Variants in TBC1D10A observed in about 807,000 individuals in gnomAD.
TBC1D10A encodes EBP50-PDX interactor of 64 kDa.
TBC1D10A carries 24 observed loss-of-function variants against 52.9 expected under a neutral mutation model. The observed-to-expected ratio is 0.45, with a 90% confidence interval of 0.33 to 0.64. The LOEUF (loss-of-function observed/expected upper bound fraction) is 0.64, where lower values mean the gene tolerates loss of function less well. TBC1D10A is among the 30% of genes least tolerant of loss of function. TBC1D10A has a pLI of 0.02. For synonymous variants in TBC1D10A, 278 were observed against 282.9 expected (o/e 0.98, Z 0.17); for missense variants, 602 against 687.9 (o/e 0.88, Z 1.40).
At chr22:30,299,184 GA>G (rs1409130984) in intron 3 of TBC1D10A, 1 of 418,080 alleles carries the variant, frequency 2.4e-6, no homozygotes, top group Non-Finnish European at 4.4e-6. Flanking sequence ...GAAAGAGCTG[GA>G]ATAGGGGGTA....
intron 3 of TBC1D10A, chr22:30,298,555 G>C (rs969790427): frequency 6.6e-6 from 1 of 152,300 alleles, no homozygotes; most frequent in African/African-American, 2.4e-5. Context: ...AGAAGCATGA[G>C]ATATGTCAAC....
intron 2 of TBC1D10A, among the ~76,000 whole-genome samples, chr22:30,302,645 G>T (rs1930225051): frequency 6.6e-6 from 1 of 152,256 alleles, no homozygotes; most frequent in Non-Finnish European, 1.5e-5. Flanking sequence ...TTCTGGGCTG[G>T]AGAGAAGCAG....
intron 2 of TBC1D10A, chr22:30,300,451 GAAA>G (rs57276123): frequency 7.6e-5 from 10 of 131,112 alleles, no homozygotes; most frequent in Non-Finnish European, 8.0e-5. Context: ...TCTGTTTCAG[GAAA>G]AAAAAAAAAA....
intron 1 of TBC1D10A, among the ~76,000 whole-genome samples, chr22:30,310,717 C>A (rs1930407982): frequency 6.6e-6 from 1 of 152,212 alleles, no homozygotes; most frequent in African/African-American, 2.4e-5. Flanking sequence ...TAATTATCTC[C>A]ATTTAATAGA....
At chr22:30,296,150 C>T in intron 3 of TBC1D10A, 1 of 335,652 alleles carries the variant, frequency 3.0e-6, no homozygotes, top group Non-Finnish European at 5.5e-6. Context: ...ATTCGGGAGT[C>T]AGATACATTA....
At chr22:30,325,051 T>C (rs560608406) in intron 1 of TBC1D10A, among the ~76,000 whole-genome samples, 13 of 152,294 alleles carry the variant, frequency 8.5e-5, no homozygotes, top group African/African-American at 2.9e-4. Context: ...TGGGTCCTAA[T>C]CCCAGGTGAC....
chr22:30,315,732 C>T (rs1601679200), intron 1 of TBC1D10A, among the ~76,000 whole-genome samples: 1 of 152,216 alleles, frequency 6.6e-6, no homozygotes, highest in Admixed American at 6.5e-5. Flanking sequence ...GGGTCACTCA[C>T]GACCCAGCTA....
intron 1 of TBC1D10A, among the ~76,000 whole-genome samples, chr22:30,310,539 T>C (rs1194687114): frequency 1.3e-5 from 2 of 152,178 alleles, no homozygotes; most frequent in Non-Finnish European, 2.9e-5. Flanking sequence ...GCTGCTTTGC[T>C]CTCTGAGCTT....
chr22:30,306,853 GGCACAGGATATACT>G (rs1930319879), intron 1 of TBC1D10A, among the ~76,000 whole-genome samples: 1 of 152,278 alleles, frequency 6.6e-6, no homozygotes, highest in South Asian at 2.1e-4. Flanking sequence ...GATGTCTCTA[GGCACAGGATATACT>G]CCTGAAACAT....
chr22:30,326,666 T>C lies in TBC1D10A; in HGVS notation c.209+7A>G. 2 of 1,553,180 alleles carry C rather than the reference T, an allele frequency of 1.3e-6. 1 individual carries two copies. Among genetic ancestry groups the C allele is most frequent in the South Asian group, 2.3e-5 (2 of 87,514 alleles). On this transcript the variant is annotated splice_region_variant and intron_variant, in intron 1 of 8. Transcript: ENST00000215790. Reference sequence around the variant, plus strand: ...CGCGCTCAGTCCCGACCCCCGGCGCTACTCACGCGCCCTCGGCGCCCTGCG... The same window carrying C: ...CGCGCTCAGTCCCGACCCCCGGCGCCACTCACGCGCCCTCGGCGCCCTGCG...
chr22:30,308,965 G>A (rs943325058), intron 1 of TBC1D10A, among the ~76,000 whole-genome samples: 1 of 152,214 alleles, frequency 6.6e-6, no homozygotes, highest in African/African-American at 2.4e-5. Flanking sequence ...GTAAGTAGCT[G>A]ACCCAGGGCT....
In TBC1D10A at chr22:30,292,661, A is replaced by G. The variant is rs759399612; in HGVS notation, c.1241T>C (p.Leu414Pro). The change falls in exon 9 of 9, where the codon CTA (leucine) becomes CCA (proline). Residue 414 changes from leucine (L) to proline (P), a missense_variant. Leu to Pro is a moderately conservative substitution (Grantham distance 98). Around this residue, in one of 3 missense-constraint regions of TBC1D10A, gnomAD observed 265 missense variants for 275.1 expected, o/e 0.96. Coordinates refer to ENST00000215790, the MANE Select transcript of TBC1D10A (RefSeq NM_031937.3). ...LQPSPSIRLP[L>P]DAPLPGSKAK... is the part of the protein sequence containing the mutation. ...TTTGGAGCCAGGGAGGGGGGCATCT[A>G]GGGGCAGGCGGATGGATGGTGAAGG... 51 of 1,610,132 alleles carry G rather than the reference A, an allele frequency of 3.2e-5. No homozygotes were observed. The highest frequency in any genetic ancestry group is 4.3e-5 in the Non-Finnish European group (51 of 1,178,182).
intron 1 of TBC1D10A, among the ~76,000 whole-genome samples, chr22:30,322,894 C>CTT (rs34264567): frequency 9.1e-5 from 12 of 131,446 alleles, no homozygotes; most frequent in African/African-American, 2.9e-4. Flanking sequence ...AGCACCTAGT[C>CTT]TTTTTTTTTT....
chr22:30,310,197 C>T (rs1930397266), intron 1 of TBC1D10A, among the ~76,000 whole-genome samples: 1 of 152,186 alleles, frequency 6.6e-6, no homozygotes, highest in Non-Finnish European at 1.5e-5. Flanking sequence ...ACTTCTTCAT[C>T]TTTCAGTGGG....
Position 30,299,552 on chromosome 22 carries a change from C to G in TBC1D10A, c.310-1G>C. The G allele has an allele frequency of 6.2e-7, 1 of 1,613,932 alleles. No individual in the cohort carries two copies. Among genetic ancestry groups the G allele is most frequent in the South Asian group, 1.1e-5 (1 of 91,078 alleles). On this transcript the variant is annotated splice_acceptor_variant, in intron 2 of 8. Coordinates refer to ENST00000215790, the MANE Select transcript of TBC1D10A (RefSeq NM_031937.3). LOFTEE classifies it high-confidence loss of function. The stretch of plus-strand genomic sequence containing the variant: ...TGCCCTTTTGGCACCGCAGACGAAT[C>G]TGAAAATCAAAAGGACAGCTGAGCC...
chr22:30,306,634 T>C (rs576899165), intron 1 of TBC1D10A, among the ~76,000 whole-genome samples: 14 of 152,250 alleles, frequency 9.2e-5, no homozygotes, highest in Non-Finnish European at 1.6e-4. Context: ...AAAAACCCAC[T>C]ACTACTTTAA....
At position 30,326,708 on chromosome 22, in the gene TBC1D10A, G is replaced by C; in HGVS notation, c.174C>G (p.Phe58Leu). ...NGFAERRIDK[F>L]GFIVGSQGAE... ...CGCCCTGCGAGCCCACGATGAAGCC[G>C]AACTTGTCGATGCGGCGCTCGGCGA... The change falls in exon 1 of 9, where the codon TTC becomes TTG. Residue 58 changes from phenylalanine to leucine, a missense_variant. This residue lies in a region of TBC1D10A where 201 missense variants were observed against 204.4 expected (regional missense o/e 0.98). Coordinates refer to ENST00000215790, the MANE Select transcript of TBC1D10A (RefSeq NM_031937.3). 6.5e-7 allele frequency: 1 copy of C among 1,546,330 alleles called. No homozygotes were observed. The highest frequency in any genetic ancestry group is 1.2e-5 in the South Asian group (1 of 86,346).
chr22:30,293,584 A>G (rs1929999845), intron 8 of TBC1D10A, 67 bp downstream of exon 8: 1 of 1,557,610 alleles, frequency 6.4e-7, no homozygotes, highest in South Asian at 1.2e-5. Flanking sequence ...GGTTAGCGGG[A>G]CCCCCTTCAA....
chr22:30,304,401 T>G, intron 2 of TBC1D10A, 130 bp downstream of exon 2: 1 of 1,475,864 alleles, frequency 6.8e-7, no homozygotes. Context: ...GCACTGGCAG[T>G]TGGAGGACAC....
Sources: gnomAD v4.1 joint callset for allele counts (sites outside exome capture counted in the v4.1 genomes callset) on GRCh38, gnomAD v4.1.1 for gene constraint, gnomAD v4.1.1 regional missense constraint, MANE v1.5 for transcripts, NCBI Gene and HGNC (gene_info 2026-07-23, HGNC 2026-07-21) for gene names.